The following SLC4A10 variants were observed in gnomAD, a reference collection of about 807,000 sequenced individuals.
The protein encoded by SLC4A10 is solute carrier family 4 member 10, also known as sodium-driven chloride bicarbonate exchanger.
SLC4A10 carries 42 observed loss-of-function variants against 137.7 expected under a neutral mutation model. The ratio of observed to expected loss-of-function variants is 0.30; its 90% CI spans 0.24 to 0.39. The LOEUF (loss-of-function observed/expected upper bound fraction) is 0.39, where lower values mean the gene tolerates loss of function less well. Ranked by LOEUF, SLC4A10 falls within the 10% of genes least tolerant of loss-of-function variation. SLC4A10 has a pLI of 1.00. For missense variants in SLC4A10, 925 were observed against 1,355.0 expected (o/e 0.68, Z 4.98); for synonymous variants, 474 against 464.1 (o/e 1.02, Z -0.27).
chr2:161,713,544 A>G, intron 1 of SLC4A10, among the ~76,000 whole-genome samples: 1 of 151,810 alleles, frequency 6.6e-6, no homozygotes, highest in East Asian at 1.9e-4. Context: ...TCCGTGATGT[A>G]AACTCCATTT....
intron 26 of SLC4A10, among the ~76,000 whole-genome samples, chr2:161,978,633 A>G (rs190117620): frequency 2.6e-5 from 4 of 152,286 alleles, no homozygotes; most frequent in African/African-American, 9.6e-5. Flanking sequence ...ACCAAACAGT[A>G]TAAACAAGAC....
chr2:161,631,995 A>G (rs2033649040), intron 1 of SLC4A10, among the ~76,000 whole-genome samples: 1 of 151,750 alleles, frequency 6.6e-6, no homozygotes, highest in Admixed American at 6.6e-5. Context: ...TCTAATAAGC[A>G]AGTTTTTAAG....
intron 1 of SLC4A10, among the ~76,000 whole-genome samples, chr2:161,737,139 G>A (rs2047428094): frequency 6.6e-6 from 1 of 152,068 alleles, no homozygotes; most frequent in African/African-American, 2.4e-5. Flanking sequence ...GATCACAAGT[G>A]TGAGCCACCA....
chr2:161,656,785 G>A (rs75066351), intron 1 of SLC4A10, among the ~76,000 whole-genome samples: 2,582 of 152,116 alleles, frequency 0.017, 72 homozygotes, highest in African/African-American at 0.058. Context: ...TTCTAAAAAT[G>A]TGCTTTGTTT....
chr2:161,984,824 A>G lies in SLC4A10; in HGVS notation c.*1672A>G, dbSNP rs1256320572. ...TTGTGTATTTTATAATACAGATACT[A>G]CATTGTAAACATTTCCATTGTTTTA... On this transcript the variant is annotated 3_prime_UTR_variant, in exon 27 of 27. Transcript: ENST00000446997. The G allele has an allele frequency of 6.6e-6, 1 of 152,096 alleles. No individual in the cohort carries two copies. Among genetic ancestry groups the G allele is most frequent in the Non-Finnish European group, 1.5e-5 (1 of 67,946 alleles). The allele number at this position is 152,096 out of a possible 1,614,324, so 9.4% of individuals were successfully genotyped here. A position where few individuals can be genotyped will look rare whatever the true frequency, so the allele number is the denominator to read the frequency against.
chr2:161,860,626 G>T (rs926094697), intron 5 of SLC4A10, among the ~76,000 whole-genome samples: 1 of 152,010 alleles, frequency 6.6e-6, no homozygotes, highest in African/African-American at 2.4e-5. Context: ...TAACCCAGGG[G>T]TATTATAACT....
intron 1 of SLC4A10, among the ~76,000 whole-genome samples, chr2:161,738,169 G>C (rs1302004536): frequency 6.6e-6 from 1 of 152,130 alleles, no homozygotes; most frequent in Non-Finnish European, 1.5e-5. Flanking sequence ...TGATCCCCAA[G>C]CACTGTAAGA....
chr2:161,747,760 G>A (rs552002372), intron 1 of SLC4A10, among the ~76,000 whole-genome samples: 8 of 152,236 alleles, frequency 5.3e-5, no homozygotes, highest in Admixed American at 4.6e-4. Flanking sequence ...GAATATAGGA[G>A]GGCAGATATC....
rs1422683041 is a variant in SLC4A10, at chr2:161,624,599, C to A, written c.48+33C>A. On this transcript the variant is annotated intron_variant, in intron 1 of 26. Coordinates refer to ENST00000446997, the MANE Select transcript of SLC4A10 (RefSeq NM_001178015.2). ...ACAACCTGCTATCACATAGATTAAC[C>A]GCGTTTGCTGCAAAACCTGTTAGGC... 3 of 1,551,342 alleles carry A rather than the reference C, an allele frequency of 1.9e-6. No individual in the cohort carries two copies. In the East Asian group the frequency reaches 7.3e-5, roughly 38 times the overall value.
chr2:161,633,127 C>G (rs1216640871), intron 1 of SLC4A10, among the ~76,000 whole-genome samples: 1 of 151,360 alleles, frequency 6.6e-6, no homozygotes, highest in Admixed American at 6.6e-5. Flanking sequence ...CTGGATAAAC[C>G]CATTGTAAAT....
chr2:161,715,364 G>C (rs1022268077), intron 1 of SLC4A10, among the ~76,000 whole-genome samples: 3 of 152,024 alleles, frequency 2.0e-5, no homozygotes, highest in African/African-American at 7.2e-5. Flanking sequence ...TTTAAGTTCT[G>C]GGATACATGT....
At position 161,984,516 on chromosome 2, in the gene SLC4A10, C is replaced by A. The variant is rs987945182; in HGVS notation, c.*1364C>A. 1.3e-5 allele frequency: 2 copies of A among 152,028 alleles called. No individual in the cohort carries two copies. Among genetic ancestry groups the A allele is most frequent in the African/African-American group, 4.8e-5 (2 of 41,418 alleles). The allele number at this position is 152,028 out of a possible 1,614,324, so 9.4% of individuals were successfully genotyped here. A position where few individuals can be genotyped will look rare whatever the true frequency, so the allele number is the denominator to read the frequency against. On this transcript the variant is annotated 3_prime_UTR_variant, in exon 27 of 27. Coordinates refer to ENST00000446997, the MANE Select transcript of SLC4A10 (RefSeq NM_001178015.2). ...TTTATAATAATTCAGAGCCCTGTGG[C>A]TTTTACACACCGTTAATTATGTACT...
At chr2:161,908,595 A>C (rs1054204779) in intron 15 of SLC4A10, among the ~76,000 whole-genome samples, 2 of 148,578 alleles carry the variant, frequency 1.3e-5, no homozygotes, top group African/African-American at 2.5e-5. Context: ...ATAATAATAA[A>C]ATTAAAAAAA....
chr2:161,903,884 G>T, intron 12 of SLC4A10, 120 bp from the exon 13 acceptor site: 1 of 961,632 alleles, frequency 1.0e-6, no homozygotes, highest in South Asian at 1.8e-5. Context: ...AGGTTAATGT[G>T]TGTCTCACCT....
intron 15 of SLC4A10, among the ~76,000 whole-genome samples, chr2:161,919,171 C>G (rs550296164): frequency 1.3e-5 from 2 of 152,308 alleles, no homozygotes; most frequent in Admixed American, 1.3e-4. Flanking sequence ...CCTCTCTGGA[C>G]TTTGTGCACT....
At chr2:161,976,693 C>A in intron 24 of SLC4A10, 67 bp from the exon 25 acceptor site, 1 of 721,792 alleles carries the variant, frequency 1.4e-6, no homozygotes, top group Non-Finnish European at 2.2e-6. Context: ...TATTTAGTTT[C>A]TGTCATTGAA....
At chr2:161,941,890 A>C (rs1232711480) in intron 15 of SLC4A10, among the ~76,000 whole-genome samples, 1 of 152,164 alleles carries the variant, frequency 6.6e-6, no homozygotes, top group Non-Finnish European at 1.5e-5. Flanking sequence ...TCCCTGGAGA[A>C]TCCTCCAATT....
intron 13 of SLC4A10, 135 bp from the exon 14 acceptor site, chr2:161,904,641 A>T: frequency 1.0e-6 from 1 of 1,000,966 alleles, no homozygotes; most frequent in Non-Finnish European, 1.5e-6. Flanking sequence ...CTTCTACCCC[A>T]CGTCTTGCCC....
chr2:161,648,074 A>C (rs2036297377), intron 1 of SLC4A10, among the ~76,000 whole-genome samples: 2 of 152,226 alleles, frequency 1.3e-5, no homozygotes, highest in South Asian at 4.1e-4. Flanking sequence ...TTAAGGCAGC[A>C]GCATTATTTT....
Sources: allele counts gnomAD v4.1 joint callset (sites outside exome capture counted in the v4.1 genomes callset), GRCh38; gene constraint gnomAD v4.1.1; transcripts MANE v1.5; gene names NCBI Gene and HGNC (gene_info 2026-07-23, HGNC 2026-07-21).